Variants in TENM2 observed in about 807,000 individuals in gnomAD.
TENM2 encodes the protein teneurin-2.
In TENM2, 52 loss-of-function variants were observed where a neutral mutation model predicts 245.2. That is an observed-to-expected ratio of 0.21 (90% CI 0.17 to 0.27). TENM2 has a LOEUF of 0.27. Among genes scored for constraint, TENM2 ranks in the 10% least tolerant of loss-of-function variants. The probability of loss-of-function intolerance (pLI) is 1.00; values close to 1 mark genes in which losing one functional copy is unlikely to be tolerated. For synonymous variants in TENM2, 1,363 were observed against 1,438.9 expected (o/e 0.95, Z 1.19); for missense variants, 3,046 against 3,666.8 (o/e 0.83, Z 4.37).
chr5:168,009,432 G>A (rs1785062111), intron 5 of TENM2, among the ~76,000 whole-genome samples: 1 of 152,214 alleles, frequency 6.6e-6, no homozygotes. Flanking sequence ...AGGGTGAGAT[G>A]GATGAAGTTA....
chr5:167,775,039 G>A (rs1022828352), intron 2 of TENM2, among the ~76,000 whole-genome samples: 35 of 152,054 alleles, frequency 2.3e-4, no homozygotes, highest in Admixed American at 7.9e-4. Flanking sequence ...GCGCAATCTC[G>A]GCTCACCGCA....
At chr5:167,702,721 A>G (rs1758246728) in intron 2 of TENM2, among the ~76,000 whole-genome samples, 3 of 151,724 alleles carry the variant, frequency 2.0e-5, no homozygotes, top group African/African-American at 4.8e-5. Context: ...CTGGAGTGCA[A>G]TGGTACAATC....
the TENM2 span, among the ~76,000 whole-genome samples, chr5:167,121,846 A>G: frequency 2.6e-4 from 40 of 152,206 alleles, no homozygotes; most frequent in African/African-American, 8.7e-4. Context: ...CCTTCAAGTG[A>G]CCTTAGTAAA....
intron 2 of TENM2, among the ~76,000 whole-genome samples, chr5:167,500,413 A>C (rs1277630110): frequency 6.6e-6 from 1 of 152,164 alleles, no homozygotes; most frequent in Non-Finnish European, 1.5e-5. Context: ...CACTCAGTGC[A>C]GTATAACTTA....
intron 10 of TENM2, among the ~76,000 whole-genome samples, chr5:168,120,930 C>G (rs184001762): frequency 3.9e-5 from 6 of 152,072 alleles, no homozygotes; most frequent in Admixed American, 3.3e-4. Context: ...AGGATGTATT[C>G]GTGAGGTTTC....
At chr5:167,018,734 A>G in the TENM2 span, among the ~76,000 whole-genome samples, 230 of 147,840 alleles carry the variant, frequency 1.6e-3, 2 homozygotes, top group Middle Eastern at 7.5e-3. Context: ...AACAAAAGTG[A>G]AAGAAAATTT....
chr5:167,798,702 A>G (rs1188857217), intron 2 of TENM2, among the ~76,000 whole-genome samples: 1 of 152,204 alleles, frequency 6.6e-6, no homozygotes, highest in Non-Finnish European at 1.5e-5. Flanking sequence ...AACTAAATAA[A>G]GGAAAGAAAA....
chr5:167,235,183 GTCTGTGTTCTAATCTCC>G, the TENM2 span, among the ~76,000 whole-genome samples: 1 of 152,140 alleles, frequency 6.6e-6, no homozygotes, highest in Non-Finnish European at 1.5e-5. Context: ...CTCTGTGCTT[GTCTGTGTTCTAATCTCC>G]TTTTTAAAAA....
At chr5:167,206,912 T>C in the TENM2 span, among the ~76,000 whole-genome samples, 1 of 152,090 alleles carries the variant, frequency 6.6e-6, no homozygotes, top group African/African-American at 2.4e-5. Flanking sequence ...AATGAAGAAG[T>C]ATTTCCAAGG....
At chr5:167,035,861 G>A in the TENM2 span, among the ~76,000 whole-genome samples, 1 of 152,306 alleles carries the variant, frequency 6.6e-6, no homozygotes, top group East Asian at 1.9e-4. Context: ...TCGTGCCTCA[G>A]TCTCCCCTGT....
chr5:167,185,273 C>A, the TENM2 span, among the ~76,000 whole-genome samples: 1 of 152,126 alleles, frequency 6.6e-6, no homozygotes, highest in Non-Finnish European at 1.5e-5. Context: ...CCATTTAACA[C>A]ACCAGTTTCC....
At chr5:167,273,432 T>G in the TENM2 span, among the ~76,000 whole-genome samples, 1 of 152,176 alleles carries the variant, frequency 6.6e-6, no homozygotes, top group African/African-American at 2.4e-5. Context: ...AAACAGTCTC[T>G]AAACTTGCAT....
intron 17 of TENM2, among the ~76,000 whole-genome samples, chr5:168,201,532 C>T (rs1006177644): frequency 6.6e-6 from 1 of 151,996 alleles, no homozygotes; most frequent in African/African-American, 2.4e-5. Context: ...AAGCCCTAGA[C>T]GTCACATCAT....
intron 2 of TENM2, among the ~76,000 whole-genome samples, chr5:167,717,707 C>T (rs76051987): frequency 0.023 from 3,508 of 152,178 alleles, 115 homozygotes; most frequent in African/African-American, 0.077. Flanking sequence ...ACAATCAAAG[C>T]TGCATCGAGA....
At chr5:167,569,176 T>C (rs1774116219) in intron 2 of TENM2, among the ~76,000 whole-genome samples, 2 of 151,398 alleles carry the variant, frequency 1.3e-5, no homozygotes, top group Admixed American at 6.6e-5. Flanking sequence ...TGTTTGTCTT[T>C]TATATTATTT....
intron 4 of TENM2, among the ~76,000 whole-genome samples, chr5:167,973,117 T>G (rs1458848529): frequency 6.6e-6 from 1 of 152,240 alleles, no homozygotes; most frequent in Admixed American, 6.5e-5. Flanking sequence ...CCTAGTCAAG[T>G]TTCTGAATCC....
the TENM2 span, among the ~76,000 whole-genome samples, chr5:167,054,718 G>C: frequency 6.6e-6 from 1 of 152,018 alleles, no homozygotes; most frequent in South Asian, 2.1e-4. Context: ...CTTAAATTTT[G>C]CCATTCTAGT....
the TENM2 span, among the ~76,000 whole-genome samples, chr5:166,989,399 A>G: frequency 6.6e-6 from 1 of 151,544 alleles, no homozygotes; most frequent in Non-Finnish European, 1.5e-5. Flanking sequence ...AGCTGGGACT[A>G]CAGACACACA....
chr5:167,683,836 T>C (rs1166137888), intron 2 of TENM2, among the ~76,000 whole-genome samples: 1 of 152,204 alleles, frequency 6.6e-6, no homozygotes, highest in African/African-American at 2.4e-5. Flanking sequence ...TCCAACACAT[T>C]GTACTCTTAT....
Sources: allele counts gnomAD v4.1 joint callset (sites outside exome capture counted in the v4.1 genomes callset), GRCh38; gene constraint gnomAD v4.1.1; transcripts MANE v1.5; gene names NCBI Gene and HGNC (gene_info 2026-07-23, HGNC 2026-07-21).